SSBP3: variants seen among roughly 807,000 people sequenced by gnomAD.
The protein encoded by SSBP3 is single-stranded DNA-binding protein 3.
SSBP3 carries 5 observed loss-of-function variants against 69.6 expected under a neutral mutation model. That is an observed-to-expected ratio of 0.07 (90% CI 0.04 to 0.15). SSBP3 has a LOEUF of 0.15. Among genes scored for constraint, SSBP3 ranks in the 10% least tolerant of loss-of-function variants. The pLI is 1.00. For synonymous variants in SSBP3, 196 were observed against 193.4 expected (o/e 1.01, Z -0.11); for missense variants, 312 against 534.0 (o/e 0.58, Z 4.10).
At chr1:54,406,002 C>A in exon 1 of SSBP3, 1 of 1,483,962 alleles carries the variant, frequency 6.7e-7, no homozygotes, top group Admixed American at 2.2e-5. Flanking sequence ...TTGCCTTTGG[C>A]AAACATGGTT....
chr1:54,251,615 C>A lies in SSBP3; in HGVS notation c.651+1G>T. 1 of 1,551,484 alleles carries A rather than the reference C, an allele frequency of 6.4e-7. No individual in the cohort carries two copies. The highest frequency in any genetic ancestry group is 8.7e-7 in the Non-Finnish European group (1 of 1,146,832). ...CGGACGGACAGACAGGCGGTGGTTA[C>A]CTGTGGGCCGGGACCCATGGGCCCC... On this transcript the variant is annotated splice_donor_variant, in intron 9 of 17. Transcript: ENST00000610401. LOFTEE classifies it high-confidence loss of function.
intron 4 of SSBP3, among the ~76,000 whole-genome samples, chr1:54,346,710 GA>G (rs946215601): frequency 2.3e-4 from 35 of 152,036 alleles, no homozygotes; most frequent in African/African-American, 8.2e-4. Flanking sequence ...AGCTACTTGG[GA>G]GGCTGAGGCA....
intron 1 of SSBP3, chr1:54,405,556 G>C (rs899057445): frequency 3.3e-5 from 5 of 152,886 alleles, no homozygotes; most frequent in African/African-American, 1.2e-4. Flanking sequence ...CGGGGCTGCA[G>C]AAGCCACGCG....
At chr1:54,351,134 C>T (rs1646775145) in intron 4 of SSBP3, among the ~76,000 whole-genome samples, 1 of 152,036 alleles carries the variant, frequency 6.6e-6, no homozygotes, top group Admixed American at 6.6e-5. Context: ...GCCTTAAATG[C>T]TATTTTTTAT....
At position 54,362,871 on chromosome 1, in the gene SSBP3, G is replaced by A. The variant is rs553595788; in HGVS notation, c.276+38990C>T. On this transcript the variant is annotated intron_variant, in intron 4 of 17. Coordinates refer to ENST00000610401, the Ensembl canonical transcript of SSBP3. ...CCCCTCGTTTTCTCTCCCAGATAAC[G>A]GCGAGGACAGGCATTTATAAGAGCT... 1.4e-4 allele frequency among the ~76,000 whole-genome samples: 22 copies of A among 152,218 alleles called. No individual in the cohort carries two copies. The East Asian group carries it at 3.5e-3, about 24-fold the overall frequency.
intron 9 of SSBP3, among the ~76,000 whole-genome samples, chr1:54,249,363 C>T (rs114833909): frequency 0.013 from 2,014 of 152,288 alleles, 38 homozygotes; most frequent in African/African-American, 0.045. Context: ...CACAAATAGC[C>T]TCCTTAGCGG....
exon 17 of SSBP3, chr1:54,228,263 T>A: frequency 1.2e-6 from 2 of 1,613,642 alleles, no homozygotes; most frequent in Non-Finnish European, 1.7e-6. Flanking sequence ...ACATTGTCGT[T>A]CTGAAAGGAG....
chr1:54,333,526 C>A (rs554714552), intron 4 of SSBP3, among the ~76,000 whole-genome samples: 1 of 152,246 alleles, frequency 6.6e-6, no homozygotes, highest in South Asian at 2.1e-4. Flanking sequence ...TAAATCCCAG[C>A]ACTTTGGGAG....
intron 14 of SSBP3, among the ~76,000 whole-genome samples, chr1:54,235,448 A>ATTTTTTTTTTTTTTTT (rs71580002): frequency 2.7e-4 from 19 of 69,920 alleles, no homozygotes; most frequent in Non-Finnish European, 3.3e-4. Flanking sequence ...TGCCCGGCTG[A>ATTTTTTTTTTTTTTTT]TTTTTTTTTT....
intron 4 of SSBP3, among the ~76,000 whole-genome samples, chr1:54,299,665 T>C (rs1341005227): frequency 6.6e-6 from 1 of 152,190 alleles, no homozygotes; most frequent in Non-Finnish European, 1.5e-5. Flanking sequence ...GCCCACTTTC[T>C]CAGGTTCCAC....
chr1:54,331,801 C>A (rs1351083769), intron 4 of SSBP3, among the ~76,000 whole-genome samples: 1 of 152,156 alleles, frequency 6.6e-6, no homozygotes, highest in Non-Finnish European at 1.5e-5. Flanking sequence ...GTGCCTTGCC[C>A]CAACTGCCCG....
chr1:54,324,912 AG>A, intron 4 of SSBP3, among the ~76,000 whole-genome samples: 1 of 152,256 alleles, frequency 6.6e-6, no homozygotes, highest in East Asian at 1.9e-4. Flanking sequence ...CGGCTAGCTG[AG>A]CCCCAAATGT....
At chr1:54,367,025 G>A (rs550009744) in intron 4 of SSBP3, among the ~76,000 whole-genome samples, 1 of 152,204 alleles carries the variant, frequency 6.6e-6, no homozygotes, top group South Asian at 2.1e-4. Context: ...TTTACCCTGC[G>A]GGTTCTCATG....
At chr1:54,251,287 T>G (rs1570261879) in intron 9 of SSBP3, among the ~76,000 whole-genome samples, 1 of 152,020 alleles carries the variant, frequency 6.6e-6, no homozygotes, top group Non-Finnish European at 1.5e-5. Flanking sequence ...AGCTCTGGGG[T>G]TCAGGAGCTC....
chr1:54,275,179 A>ACCGAGG (rs1645261894), intron 5 of SSBP3, among the ~76,000 whole-genome samples: 1 of 152,114 alleles, frequency 6.6e-6, no homozygotes, highest in Admixed American at 6.5e-5. Flanking sequence ...ACCACGTCTG[A>ACCGAGG]CCGAGGGGCT....
chr1:54,268,478 C>T (rs1056327816), intron 5 of SSBP3, among the ~76,000 whole-genome samples: 12 of 152,284 alleles, frequency 7.9e-5, no homozygotes, highest in African/African-American at 2.9e-4. Flanking sequence ...CCTTCACCCC[C>T]GACAGTTATA....
At chr1:54,406,803 G>A (rs1476320099), upstream of SSBP3, among the ~76,000 whole-genome samples, 3 of 151,538 alleles carry the variant, frequency 2.0e-5, no homozygotes, top group Non-Finnish European at 2.9e-5. Context: ...GTCGCCGCTC[G>A]CTCCCTCCCG....
chr1:54,390,391 CTT>C (rs1449062083), intron 4 of SSBP3, among the ~76,000 whole-genome samples: 2 of 152,148 alleles, frequency 1.3e-5, no homozygotes, highest in African/African-American at 4.8e-5. Flanking sequence ...CTCCTAGTCT[CTT>C]CTCTTCCAGC....
At chr1:54,232,931 C>A (rs1411120348) in intron 14 of SSBP3, among the ~76,000 whole-genome samples, 1 of 152,162 alleles carries the variant, frequency 6.6e-6, no homozygotes, top group African/African-American at 2.4e-5. Context: ...CGGCTCGCTA[C>A]AACCTCCACC....
Sources: allele counts gnomAD v4.1 joint callset (sites outside exome capture counted in the v4.1 genomes callset), GRCh38; gene constraint gnomAD v4.1.1; transcripts MANE v1.5; gene names NCBI Gene and HGNC (gene_info 2026-07-23, HGNC 2026-07-21).